The following TENM2 variants were observed in gnomAD, a reference collection of about 807,000 sequenced individuals.
TENM2 encodes teneurin transmembrane protein 2, also known as teneurin-2.
A neutral mutation model predicts 245.2 loss-of-function variants in TENM2; 52 were observed. The ratio of observed to expected loss-of-function variants is 0.21; its 90% CI spans 0.17 to 0.27. TENM2 has a LOEUF of 0.27. Among genes scored for constraint, TENM2 ranks in the 10% least tolerant of loss-of-function variants. The probability of loss-of-function intolerance (pLI) is 1.00; values close to 1 mark genes in which losing one functional copy is unlikely to be tolerated. For missense variants in TENM2, 3,046 were observed against 3,666.8 expected (o/e 0.83, Z 4.37); for synonymous variants, 1,363 against 1,438.9 (o/e 0.95, Z 1.19).
chr5:167,528,331 C>T (rs2127590375), intron 2 of TENM2, among the ~76,000 whole-genome samples: 1 of 152,208 alleles, frequency 6.6e-6, no homozygotes, highest in East Asian at 1.9e-4. Flanking sequence ...AATATTCTAC[C>T]TCTTGCTGCC....
chr5:166,990,312 T>G, the TENM2 span, among the ~76,000 whole-genome samples: 3 of 152,178 alleles, frequency 2.0e-5, no homozygotes, highest in Non-Finnish European at 4.4e-5. Context: ...AATTAATATA[T>G]TTATCCTTCC....
intron 2 of TENM2, among the ~76,000 whole-genome samples, chr5:167,485,287 G>T (rs1222542853): frequency 6.6e-6 from 1 of 152,192 alleles, no homozygotes; most frequent in Non-Finnish European, 1.5e-5. Flanking sequence ...CCAGGAAGAA[G>T]CGGAGACACT....
chr5:168,079,022 G>A lies in TENM2; in HGVS notation c.1516-11552G>A, dbSNP rs533957628. Among the ~76,000 whole-genome samples, 161 of 152,292 alleles carry A rather than the reference G, an allele frequency of 1.1e-3. 1 individual carries two copies. Among genetic ancestry groups the A allele is most frequent in the Non-Finnish European group, 2.0e-3 (139 of 68,024 alleles). On this transcript the variant is annotated intron_variant, in intron 7 of 28. Coordinates refer to ENST00000518659, the Ensembl canonical transcript of TENM2. ...TTGAATCTATAAATTACCTTCAGCA[G>A]TATGGCCATTTTCACAATATTGATT...
At chr5:167,027,417 T>A in the TENM2 span, among the ~76,000 whole-genome samples, 2 of 152,186 alleles carry the variant, frequency 1.3e-5, no homozygotes, top group Admixed American at 6.5e-5. Flanking sequence ...TCCTTTCATC[T>A]GGTAAAGCTC....
At chr5:167,049,019 G>A in the TENM2 span, among the ~76,000 whole-genome samples, 2 of 152,136 alleles carry the variant, frequency 1.3e-5, no homozygotes, top group Non-Finnish European at 2.9e-5. Context: ...GAACCACAAT[G>A]TTGAAACTAC....
chr5:168,162,800 G>A (rs558595551), intron 13 of TENM2, 43 bp downstream of exon 15: 26 of 1,597,648 alleles, frequency 1.6e-5, no homozygotes, highest in South Asian at 8.9e-5. Flanking sequence ...AGAGCAGAGC[G>A]TTGTCCATGC....
At chr5:167,567,358 G>T (rs950750474) in intron 2 of TENM2, among the ~76,000 whole-genome samples, 1 of 152,076 alleles carries the variant, frequency 6.6e-6, no homozygotes, top group African/African-American at 2.4e-5. Flanking sequence ...TTTGTCCAAG[G>T]TAAAAGGCTT....
At chr5:167,205,961 G>A in the TENM2 span, among the ~76,000 whole-genome samples, 5 of 152,198 alleles carry the variant, frequency 3.3e-5, no homozygotes, top group Non-Finnish European at 7.3e-5. Flanking sequence ...AGAAAGTTCT[G>A]CTTTTAAGGG....
chr5:167,613,775 A>G (rs1201065752), intron 2 of TENM2, among the ~76,000 whole-genome samples: 1 of 152,148 alleles, frequency 6.6e-6, no homozygotes, highest in African/African-American at 2.4e-5. Context: ...TATGAGTGTT[A>G]GTGTCATATT....
chr5:167,052,672 A>C, the TENM2 span, among the ~76,000 whole-genome samples: 3 of 152,172 alleles, frequency 2.0e-5, no homozygotes, highest in Non-Finnish European at 4.4e-5. Flanking sequence ...CAGGCTTTGA[A>C]ATAGTCTTTC....
chr5:167,401,817 A>G (rs1261602187), intron 2 of TENM2, among the ~76,000 whole-genome samples: 1 of 152,122 alleles, frequency 6.6e-6, no homozygotes, highest in Non-Finnish European at 1.5e-5. Context: ...TTATTGTTGG[A>G]TAGTTAGGGT....
chr5:168,249,987 A>G (rs1766952175), intron 27 of TENM2, among the ~76,000 whole-genome samples: 1 of 152,188 alleles, frequency 6.6e-6, no homozygotes, highest in Non-Finnish European at 1.5e-5. Flanking sequence ...TAGAGACACA[A>G]TGGGAGGAAA....
chr5:167,774,214 GAGGAAGGAAGGAAGGA>G (rs200752272), intron 2 of TENM2, among the ~76,000 whole-genome samples: 1 of 111,322 alleles, frequency 9.0e-6, no homozygotes, highest in Non-Finnish European at 1.7e-5. Context: ...GGGAGGGAGG[GAGGAAGGAAGGAAGGA>G]AGGAAGGAAG....
At position 168,090,625 on chromosome 5, in the gene TENM2, T is replaced by A. The variant is rs762188282; in HGVS notation, c.1567T>A (p.Ser523Thr). 3 of 1,613,360 alleles carry A rather than the reference T, an allele frequency of 1.9e-6. No homozygotes were observed. In the African/African-American group the frequency reaches 4.0e-5, roughly 22 times the overall value. ...GAAGGAGAAGTGGAGTGTGGTTGAG[T>A]CTCCCAGGGAACGCCGGAGCATACA... Residue 523 changes from serine (S) to threonine (T), a missense_variant, in exon 8 of 29, where the codon TCT (serine) becomes ACT (threonine). By Grantham distance (58) the Ser-to-Thr change is moderately conservative. Transcript: ENST00000518659.
intron 9 of TENM2, among the ~76,000 whole-genome samples, chr5:168,108,141 G>C (rs1416772728): frequency 6.6e-6 from 1 of 152,168 alleles, no homozygotes; most frequent in Non-Finnish European, 1.5e-5. Flanking sequence ...CTAATTTGTC[G>C]GATCAATCAT....
At chr5:167,137,984 A>G in the TENM2 span, among the ~76,000 whole-genome samples, 2 of 152,212 alleles carry the variant, frequency 1.3e-5, no homozygotes, top group African/African-American at 4.8e-5. Flanking sequence ...AATAAAGTCT[A>G]TCTATATTAA....
In TENM2 at chr5:167,526,360, G is replaced by GCACACACACACACA. The variant is rs72349867; in HGVS notation, c.502+150908_502+150921dup. Among the ~76,000 whole-genome samples, 386 of 144,152 alleles carry GCACACACACACACA rather than the reference G, an allele frequency of 2.7e-3. 1 individual carries two copies. Among genetic ancestry groups the GCACACACACACACA allele is most frequent in the African/African-American group, 8.8e-3 (345 of 38,996 alleles). The allele number at this position is 144,152 out of a possible 152,430, so 94.6% of individuals were successfully genotyped here. On this transcript the variant is annotated intron_variant, in intron 2 of 28. Coordinates refer to ENST00000518659, the Ensembl canonical transcript of TENM2. ...CCTATCATTATCTGTTTAAGAAATA[G>GCACACACACACACA]CACACACACACACACACACACACAC...
chr5:167,570,780 G>C (rs887742487), intron 2 of TENM2, among the ~76,000 whole-genome samples: 4 of 152,166 alleles, frequency 2.6e-5, no homozygotes, highest in Non-Finnish European at 5.9e-5. Context: ...AATGTCAGAG[G>C]TCTGAAAACA....
intron 2 of TENM2, among the ~76,000 whole-genome samples, chr5:167,472,433 T>C (rs1767090184): frequency 6.6e-6 from 1 of 152,224 alleles, no homozygotes; most frequent in Non-Finnish European, 1.5e-5. Flanking sequence ...GCTAGAACAC[T>C]AGAAATTGTT....
Sources: gnomAD v4.1 joint callset for allele counts (sites outside exome capture counted in the v4.1 genomes callset) on GRCh38, gnomAD v4.1.1 for gene constraint, MANE v1.5 for transcripts, NCBI Gene and HGNC (gene_info 2026-07-23, HGNC 2026-07-21) for gene names.